Variants in KIF13B observed in about 807,000 individuals in gnomAD.
KIF13B encodes the protein kinesin-like protein KIF13B.
In KIF13B, 127 loss-of-function variants were observed where a neutral mutation model predicts 222.0. The ratio of observed to expected loss-of-function variants is 0.57; its 90% CI spans 0.50 to 0.66. The LOEUF is 0.66. Among genes scored for constraint, KIF13B ranks in the 30% least tolerant of loss-of-function variants. The pLI, the probability that KIF13B is intolerant of heterozygous loss-of-function variation, is 0.00. For synonymous variants in KIF13B, 976 were observed against 919.0 expected (o/e 1.06, Z -1.12); for missense variants, 2,173 against 2,379.0 (o/e 0.91, Z 1.80).
intron 1 of KIF13B, among the ~76,000 whole-genome samples, chr8:29,245,965 A>T (rs924575539): frequency 2.0e-5 from 3 of 152,250 alleles, no homozygotes; most frequent in Admixed American, 2.0e-4. Flanking sequence ...TTAGGAATAA[A>T]TGTAAAAGAA....
chr8:29,200,005 T>C (rs950884480), intron 2 of KIF13B, among the ~76,000 whole-genome samples: 1 of 152,158 alleles, frequency 6.6e-6, no homozygotes. Context: ...ACATCAACTC[T>C]TCCTAAGACA....
At chr8:29,253,231 C>T (rs2130682788) in intron 1 of KIF13B, among the ~76,000 whole-genome samples, 1 of 152,138 alleles carries the variant, frequency 6.6e-6, no homozygotes, top group African/African-American at 2.4e-5. Context: ...TGTAGCCCAG[C>T]TTCTCAGGAG....
intron 2 of KIF13B, among the ~76,000 whole-genome samples, chr8:29,233,946 A>G (rs144992556): frequency 6.6e-6 from 1 of 152,360 alleles, no homozygotes; most frequent in East Asian, 1.9e-4. Flanking sequence ...ATAGACAGTT[A>G]AGAGTTAGCA....
chr8:29,161,292 C>T lies in KIF13B; in HGVS notation c.1270-425G>A, dbSNP rs116950318. ...CCCCATCAGGATAAAGGCCAAACTC[C>T]CTCAGTAAGGATCACAAGGCCCTTC... On this transcript the variant is annotated intron_variant, in intron 12 of 39. Transcript: ENST00000524189. Among the ~76,000 whole-genome samples, 552 of 152,334 alleles carry T rather than the reference C, an allele frequency of 3.6e-3. 1 individual carries two copies. The highest frequency in any genetic ancestry group is 6.6e-3 in the Non-Finnish European group (450 of 68,026).
chr8:29,118,566 C>T (rs1399369670), intron 30 of KIF13B, among the ~76,000 whole-genome samples: 1 of 152,096 alleles, frequency 6.6e-6, no homozygotes, highest in Non-Finnish European at 1.5e-5. Flanking sequence ...CACGCACTTC[C>T]GCAGCCCCTG....
intron 1 of KIF13B, among the ~76,000 whole-genome samples, chr8:29,252,887 A>G (rs1016548535): frequency 6.6e-6 from 1 of 152,258 alleles, no homozygotes; most frequent in Non-Finnish European, 1.5e-5. Flanking sequence ...ATAAGTAAAA[A>G]GCAAATTGGT....
intron 6 of KIF13B, among the ~76,000 whole-genome samples, chr8:29,185,295 C>T (rs1812879441): frequency 6.6e-6 from 1 of 152,212 alleles, no homozygotes; most frequent in Non-Finnish European, 1.5e-5. Context: ...ATCTTCCCTT[C>T]TCCTAGGGGC....
At chr8:29,229,750 TTAAA>T (rs1322130300) in intron 2 of KIF13B, among the ~76,000 whole-genome samples, 1 of 152,200 alleles carries the variant, frequency 6.6e-6, no homozygotes, top group African/African-American at 2.4e-5. Context: ...CCACAATCCC[TTAAA>T]TAAACATCTT....
intron 14 of KIF13B, among the ~76,000 whole-genome samples, chr8:29,155,374 T>C (rs1375129951): frequency 2.0e-5 from 3 of 152,086 alleles, no homozygotes; most frequent in Admixed American, 6.6e-5. Context: ...GGTCAAAGGA[T>C]TGGCAGGTGC....
intron 2 of KIF13B, among the ~76,000 whole-genome samples, chr8:29,196,747 T>C (rs996938117): frequency 6.6e-6 from 1 of 152,174 alleles, no homozygotes; most frequent in Non-Finnish European, 1.5e-5. Flanking sequence ...TGAAGTGTTT[T>C]GGGTTTCGTA....
At chr8:29,161,498 C>T (rs754974565) in intron 12 of KIF13B, among the ~76,000 whole-genome samples, 14 of 152,064 alleles carry the variant, frequency 9.2e-5, no homozygotes, top group Non-Finnish European at 2.1e-4. Context: ...TGAGGTCAGG[C>T]GTTCAAGACC....
chr8:29,147,920 G>A (rs553312827), intron 16 of KIF13B, among the ~76,000 whole-genome samples: 6 of 152,302 alleles, frequency 3.9e-5, no homozygotes, highest in African/African-American at 9.6e-5. Context: ...AAATTTGACC[G>A]GGCACAGTGG....
intron 1 of KIF13B, among the ~76,000 whole-genome samples, chr8:29,260,771 C>A (rs1034351890): frequency 4.6e-5 from 7 of 152,068 alleles, no homozygotes; most frequent in African/African-American, 1.7e-4. Context: ...CGTCCACCAC[C>A]ACGCCCGGCT....
chr8:29,197,075 C>T (rs1420912136), intron 2 of KIF13B, among the ~76,000 whole-genome samples: 3 of 151,958 alleles, frequency 2.0e-5, no homozygotes, highest in African/African-American at 4.8e-5. Context: ...CGGTGGCTCA[C>T]GCCTGTAATC....
chr8:29,180,396 C>A (rs748961825), intron 7 of KIF13B, among the ~76,000 whole-genome samples, 158 bp from the exon 8 acceptor site: 3 of 152,166 alleles, frequency 2.0e-5, no homozygotes, highest in Non-Finnish European at 2.9e-5. Flanking sequence ...CCATGGAGTA[C>A]AATAGCCAAT....
chr8:29,242,428 G>A (rs192791864), intron 2 of KIF13B, among the ~76,000 whole-genome samples: 41 of 152,050 alleles, frequency 2.7e-4, no homozygotes, highest in African/African-American at 9.4e-4. Flanking sequence ...AATAAAATAA[G>A]GCCTAAAGAT....
intron 37 of KIF13B, among the ~76,000 whole-genome samples, chr8:29,083,300 ATTTG>A (rs1283787957): frequency 6.6e-6 from 1 of 152,232 alleles, no homozygotes; most frequent in Non-Finnish European, 1.5e-5. Context: ...AGCCAGACTC[ATTTG>A]TTTAATACTG....
intron 2 of KIF13B, among the ~76,000 whole-genome samples, chr8:29,237,369 T>A (rs907690090): frequency 6.6e-6 from 1 of 152,206 alleles, no homozygotes; most frequent in African/African-American, 2.4e-5. Flanking sequence ...ATATGCAATC[T>A]GACCACTTTA....
At chr8:29,178,344 A>T (rs1001779378) in intron 8 of KIF13B, among the ~76,000 whole-genome samples, 1 of 152,132 alleles carries the variant, frequency 6.6e-6, no homozygotes, top group Non-Finnish European at 1.5e-5. Context: ...ATTTTGTAAC[A>T]TTTACATCTT....
Sources: allele counts gnomAD v4.1 joint callset (sites outside exome capture counted in the v4.1 genomes callset), GRCh38; gene constraint gnomAD v4.1.1; transcripts MANE v1.5; gene names NCBI Gene and HGNC (gene_info 2026-07-23, HGNC 2026-07-21).